CACNB4: variants seen among roughly 807,000 people sequenced by gnomAD.
CACNB4 encodes the protein voltage-dependent L-type calcium channel subunit beta-4.
Under a neutral mutation model 71.2 loss-of-function variants are expected in CACNB4, and 32 were observed. The observed-to-expected ratio is 0.45, with a 90% CI of 0.34 to 0.60. The LOEUF (loss-of-function observed/expected upper bound fraction) is 0.60. Among genes scored for constraint, CACNB4 ranks in the 20% least tolerant of loss-of-function variants. The pLI is 0.01. For missense variants in CACNB4, 464 were observed against 647.9 expected (o/e 0.72, Z 3.08); for synonymous variants, 231 against 236.9 (o/e 0.97, Z 0.23).
chr2:152,073,230 G>A (rs566681757), intron 2 of CACNB4, among the ~76,000 whole-genome samples: 3 of 152,274 alleles, frequency 2.0e-5, no homozygotes, highest in Admixed American at 1.3e-4. Context: ...TCAGCTATCA[G>A]CAAACTGAAA....
intron 2 of CACNB4, chr2:151,971,409 C>T (rs1579039322): frequency 2.6e-5 from 17 of 653,596 alleles, no homozygotes; most frequent in South Asian, 1.9e-4. Context: ...CACCCCCAAC[C>T]GAAGTGCCGT....
In CACNB4 at chr2:151,855,265, A is replaced by G. The variant is rs369739033; in HGVS notation, c.979T>C (p.Leu327=). The change falls in exon 11 of 14, where the codon TTA becomes CTA. Residue 327 remains leucine (L), a synonymous_variant. Coordinates refer to ENST00000539935, the MANE Select transcript of CACNB4 (RefSeq NM_000726.5). ...NHPAQLIKTS[L]APIIVHVKVS... ...TTTACATGAACAATAATTGGTGCTA[A>G]GGAAGTCTTTATAAGTTGTGCTGGG... 48 of 1,575,896 alleles carry G rather than the reference A, an allele frequency of 3.0e-5. No individual in the cohort carries two copies. Among genetic ancestry groups the G allele is most frequent in the Non-Finnish European group, 4.1e-5 (47 of 1,150,842 alleles).
At chr2:151,854,759 G>C (rs1578473378) in intron 11 of CACNB4, 1 of 152,522 alleles carries the variant, frequency 6.6e-6, no homozygotes, top group East Asian at 1.9e-4. Context: ...ACAAATGTCA[G>C]GGTCTATAAT....
intron 4 of CACNB4, among the ~76,000 whole-genome samples, chr2:151,876,813 A>G (rs62175671): frequency 1.3e-5 from 1 of 74,984 alleles, no homozygotes; most frequent in Non-Finnish European, 3.3e-5. Context: ...AAACTATATT[A>G]TACTATACAT....
intron 13 of CACNB4, among the ~76,000 whole-genome samples, chr2:151,840,158 G>A (rs2099835802): frequency 6.6e-6 from 1 of 152,102 alleles, no homozygotes; most frequent in Non-Finnish European, 1.5e-5. Flanking sequence ...GTTTAGGTAG[G>A]TCACATCAGT....
At chr2:151,972,632 T>C (rs1686791775) in intron 2 of CACNB4, 1 of 151,914 alleles carries the variant, frequency 6.6e-6, no homozygotes, top group South Asian at 2.1e-4. Context: ...AGGATTTCTA[T>C]CTTTCATGGA....
At chr2:152,047,263 C>T (rs1284607581) in intron 2 of CACNB4, among the ~76,000 whole-genome samples, 1 of 152,120 alleles carries the variant, frequency 6.6e-6, no homozygotes, top group Non-Finnish European at 1.5e-5. Context: ...AAAATGTCAA[C>T]CGCTGTCACA....
intron 2 of CACNB4, among the ~76,000 whole-genome samples, chr2:151,885,717 G>A (rs1016616371): frequency 6.6e-6 from 1 of 152,198 alleles, no homozygotes; most frequent in Non-Finnish European, 1.5e-5. Flanking sequence ...TTCTGAAAGT[G>A]CCCTTTATAG....
intron 2 of CACNB4, among the ~76,000 whole-genome samples, chr2:152,029,528 A>C (rs962104098): frequency 6.6e-6 from 1 of 150,740 alleles, no homozygotes; most frequent in African/African-American, 2.4e-5. Context: ...AAAAGAAAAG[A>C]AAAGAAAAGA....
intron 2 of CACNB4, among the ~76,000 whole-genome samples, chr2:151,916,315 T>C (rs2099857520): frequency 7.2e-6 from 1 of 138,564 alleles, no homozygotes; most frequent in Admixed American, 7.3e-5. Flanking sequence ...TGTGTGTGAT[T>C]TCCTGATAAA....
chr2:151,909,499 G>A (rs890082006), intron 2 of CACNB4, among the ~76,000 whole-genome samples: 1 of 150,432 alleles, frequency 6.6e-6, no homozygotes, highest in Admixed American at 6.6e-5. Context: ...ATGCAGGTTC[G>A]TTACACAGGT....
chr2:152,098,917 G>T lies in CACNB4; in HGVS notation c.63+32C>A. On this transcript the variant is annotated intron_variant, in intron 1 of 13. Transcript: ENST00000539935. This position sits in a 1 kb window ranked among gnomAD's most constrained non-coding sequence, Gnocchi z 5.3. ...GAGGAGGTGTGAGGAAGGAAGAGGA[G>T]GAAGAGGAGAAGGGGGAGGAGGGGG... is the stretch of plus-strand genomic sequence containing the variant. 1 of 1,365,760 alleles carries T rather than the reference G, an allele frequency of 7.3e-7. No homozygotes were observed. The highest frequency in any genetic ancestry group is 9.9e-7 in the Non-Finnish European group (1 of 1,014,128). The allele number at this position is 1,365,760 out of a possible 1,614,324, so 84.6% of individuals were successfully genotyped here. A position where few individuals can be genotyped will look rare whatever the true frequency, so the allele number is the denominator to read the frequency against.
At chr2:151,988,785 C>G (rs940624634) in intron 2 of CACNB4, among the ~76,000 whole-genome samples, 7 of 152,128 alleles carry the variant, frequency 4.6e-5, no homozygotes, top group African/African-American at 1.7e-4. Context: ...AATCACCTCC[C>G]AAAGGCCCCA....
intron 2 of CACNB4, among the ~76,000 whole-genome samples, chr2:152,051,786 T>C (rs752970467): frequency 6.6e-6 from 1 of 152,190 alleles, no homozygotes; most frequent in South Asian, 2.1e-4. Flanking sequence ...AACAACTCTG[T>C]TCCCTTTACC....
At chr2:152,087,544 G>A (rs1237656123) in intron 2 of CACNB4, among the ~76,000 whole-genome samples, 1 of 152,086 alleles carries the variant, frequency 6.6e-6, no homozygotes, top group South Asian at 2.1e-4. Context: ...TACTGTGACT[G>A]GAAAAGCCAT....
intron 2 of CACNB4, among the ~76,000 whole-genome samples, chr2:152,070,449 A>T (rs1686617783): frequency 6.6e-6 from 1 of 152,206 alleles, no homozygotes; most frequent in South Asian, 2.1e-4. Flanking sequence ...TCAAGTCAAC[A>T]TGGGCTGTGG....
chr2:151,851,805 A>C (rs1258865538), intron 12 of CACNB4: 1 of 152,234 alleles, frequency 6.6e-6, no homozygotes, highest in African/African-American at 2.4e-5. Flanking sequence ...TATCCTTATA[A>C]GATTGTTCCA....
chr2:152,094,925 A>C (rs554447819), intron 2 of CACNB4, among the ~76,000 whole-genome samples: 3 of 152,344 alleles, frequency 2.0e-5, no homozygotes, highest in African/African-American at 7.2e-5. Context: ...CTTGCTGTAA[A>C]ACATCATTCC....
intron 2 of CACNB4, chr2:151,971,464 T>C: frequency 1.4e-6 from 1 of 702,230 alleles, no homozygotes; most frequent in Non-Finnish European, 2.6e-6. Context: ...CAGCTAGCCA[T>C]CTGAGAAAAG....
Sources: gnomAD v4.1 joint callset for allele counts (sites outside exome capture counted in the v4.1 genomes callset) on GRCh38, gnomAD v4.1.1 for gene constraint, Gnocchi (gnomAD v3.1) non-coding constraint, MANE v1.5 for transcripts, NCBI Gene and HGNC (gene_info 2026-07-23, HGNC 2026-07-21) for gene names.